MCTP2: variants seen among roughly 807,000 people sequenced by gnomAD.
MCTP2 encodes multiple C2 and transmembrane domain containing 2.
Under a neutral mutation model 111.6 loss-of-function variants are expected in MCTP2, and 132 were observed. That is an observed-to-expected ratio of 1.18 (90% CI 1.03 to 1.37). MCTP2 has a LOEUF of 1.37. Among genes scored for constraint, MCTP2 ranks in the 40% most tolerant of loss-of-function variants. MCTP2 has a pLI of 0.00. For synonymous variants in MCTP2, 395 were observed against 387.7 expected, an observed-to-expected ratio of 1.02 and a Z score of -0.22; for missense variants, 1,183 against 1,067.9, an observed-to-expected ratio of 1.11 and a Z score of -1.50.
chr15:94,455,068 C>A (rs554106785), intron 19 of MCTP2, among the ~76,000 whole-genome samples: 2 of 152,212 alleles, frequency 1.3e-5, no homozygotes, highest in Non-Finnish European at 2.9e-5. Flanking sequence ...GTGATCTGCC[C>A]GCCATGGCCT....
At position 94,480,801 on chromosome 15, in the gene MCTP2, G is replaced by A. The variant is rs2074688109; in HGVS notation, c.*1767G>A. On this transcript the variant is annotated 3_prime_UTR_variant, in exon 23 of 23. Coordinates refer to ENST00000357742, the MANE Select transcript of MCTP2 (RefSeq NM_001385001.1). ...AAAGTGGAACCAATACTTTATTGTT[G>A]TTCTTTTGCTATAGAATTTCAAAAT... The A allele has an allele frequency of 6.6e-6, 1 of 152,134 alleles. No homozygotes were observed. The highest frequency in any genetic ancestry group is 1.5e-5 in the Non-Finnish European group (1 of 68,012). 9.4% of individuals were successfully genotyped at this position (152,134 alleles called of 1,614,324 possible).
intron 1 of MCTP2, among the ~76,000 whole-genome samples, chr15:94,242,671 C>G (rs545119580): frequency 8.2e-4 from 119 of 144,998 alleles, no homozygotes; most frequent in African/African-American, 3.0e-3. Context: ...AGATGAGACA[C>G]TAGACACTGA....
chr15:94,433,647 T>G (rs539115618), intron 17 of MCTP2, among the ~76,000 whole-genome samples: 1 of 152,384 alleles, frequency 6.6e-6, no homozygotes, highest in Non-Finnish European at 1.5e-5. Flanking sequence ...ATGGTAAATA[T>G]ATGTTCAATG....
chr15:94,383,727 CCA>C (rs1449876138), intron 12 of MCTP2, among the ~76,000 whole-genome samples: 1 of 152,154 alleles, frequency 6.6e-6, no homozygotes, highest in Non-Finnish European at 1.5e-5. Context: ...CAGGTCCTTC[CCA>C]CGACACATGG....
At chr15:94,248,308 T>G (rs1181507142) in intron 1 of MCTP2, among the ~76,000 whole-genome samples, 1 of 152,186 alleles carries the variant, frequency 6.6e-6, no homozygotes, top group Non-Finnish European at 1.5e-5. Flanking sequence ...AGGTTTCTAG[T>G]GTTATACTTC....
intron 12 of MCTP2, among the ~76,000 whole-genome samples, chr15:94,381,088 G>A (rs1203042654): frequency 1.3e-5 from 2 of 152,150 alleles, no homozygotes; most frequent in Non-Finnish European, 2.9e-5. Flanking sequence ...GGAAAAGCAC[G>A]GCCTCAAATG....
In MCTP2 at chr15:94,340,936, C is replaced by G; in HGVS notation, c.969+12C>G. The G allele has an allele frequency of 6.6e-7, 1 of 1,520,946 alleles. No individual in the cohort carries two copies. Among genetic ancestry groups the G allele is most frequent in the East Asian group, 2.3e-5 (1 of 44,350 alleles). The allele number at this position is 1,520,946 out of a possible 1,614,324, so 94.2% of individuals were successfully genotyped here. On this transcript the variant is annotated intron_variant, in intron 7 of 22. Coordinates refer to ENST00000357742, the MANE Select transcript of MCTP2 (RefSeq NM_001385001.1). ...ATTTCAAGAGACACGTAAGTGGGAC[C>G]TTCTATTCTTTTGAAACCTCTCATT...
intron 8 of MCTP2, among the ~76,000 whole-genome samples, chr15:94,350,626 G>A (rs553376703): frequency 6.6e-6 from 1 of 152,322 alleles, no homozygotes; most frequent in African/African-American, 2.4e-5. Flanking sequence ...AGAACCTGGA[G>A]CATGAGCTGT....
intron 1 of MCTP2, among the ~76,000 whole-genome samples, chr15:94,243,242 C>T (rs569541671): frequency 3.4e-5 from 5 of 147,692 alleles, no homozygotes; most frequent in African/African-American, 5.0e-5. Context: ...CATACACATG[C>T]GTATATGCGT....
At chr15:94,244,465 C>T (rs2071565180) in intron 1 of MCTP2, among the ~76,000 whole-genome samples, 1 of 148,408 alleles carries the variant, frequency 6.7e-6, no homozygotes, top group South Asian at 2.1e-4. Context: ...TATACACATA[C>T]ATATGCACCT....
intron 7 of MCTP2, 69 bp from the exon 8 acceptor site, chr15:94,345,060 T>G: frequency 6.5e-7 from 1 of 1,535,522 alleles, no homozygotes; most frequent in Non-Finnish European, 9.0e-7. Context: ...TATAATTACA[T>G]TGATAATGAT....
intron 17 of MCTP2, among the ~76,000 whole-genome samples, chr15:94,410,406 T>A (rs2082103122): frequency 6.6e-6 from 1 of 152,154 alleles, no homozygotes; most frequent in African/African-American, 2.4e-5. Flanking sequence ...AAGGCTATGA[T>A]GATACTCTTC....
intron 3 of MCTP2, chr15:94,314,836 G>T (rs1680949792): frequency 2.2e-6 from 1 of 450,422 alleles, no homozygotes; most frequent in Admixed American, 2.4e-5. Context: ...ATGCATTTCT[G>T]GAGGAGGAAG....
At chr15:94,337,310 G>C (rs756484298) in intron 4 of MCTP2, among the ~76,000 whole-genome samples, 7 of 152,008 alleles carry the variant, frequency 4.6e-5, no homozygotes. Flanking sequence ...GAAACAGTTT[G>C]AACATTATGT....
chr15:94,258,742 A>G (rs575753456), intron 1 of MCTP2, among the ~76,000 whole-genome samples: 1 of 152,344 alleles, frequency 6.6e-6, no homozygotes, highest in South Asian at 2.1e-4. Context: ...GGAGAGATAC[A>G]GTTCTGAAAA....
At chr15:94,350,598 C>T (rs1431927024) in intron 8 of MCTP2, among the ~76,000 whole-genome samples, 1 of 152,198 alleles carries the variant, frequency 6.6e-6, no homozygotes, top group African/African-American at 2.4e-5. Context: ...CAGGCTGATG[C>T]ACCAGCCCTG....
chr15:94,470,781 A>T (rs1330173415), intron 21 of MCTP2, among the ~76,000 whole-genome samples: 1 of 116,550 alleles, frequency 8.6e-6, no homozygotes, highest in Non-Finnish European at 1.9e-5. Flanking sequence ...AACAGTGAGC[A>T]AACACCTACC....
At chr15:94,268,180 C>CTTTTTTTTTTTTTTT in intron 1 of MCTP2, among the ~76,000 whole-genome samples, 1 of 134,392 alleles carries the variant, frequency 7.4e-6, no homozygotes, top group Non-Finnish European at 1.6e-5. Flanking sequence ...TTCATTCTTT[C>CTTTTTTTTTTTTTTT]TTTCTTTTTT....
intron 12 of MCTP2, among the ~76,000 whole-genome samples, chr15:94,379,846 GATATAT>G (rs200722241): frequency 7.5e-6 from 1 of 133,262 alleles, no homozygotes; most frequent in African/African-American, 3.1e-5. Flanking sequence ...AATTATATAT[GATATAT>G]ATATAATATA....
Sources: allele counts gnomAD v4.1 joint callset (sites outside exome capture counted in the v4.1 genomes callset), GRCh38; gene constraint gnomAD v4.1.1; transcripts MANE v1.5; gene names NCBI Gene and HGNC (gene_info 2026-07-23, HGNC 2026-07-21).